PCDHGA2: variants seen among roughly 807,000 people sequenced by gnomAD.
PCDHGA2 encodes protocadherin gamma subfamily A, 2.
Under a neutral mutation model 59.2 loss-of-function variants are expected in PCDHGA2, and 40 were observed. That is an observed-to-expected ratio of 0.68 (90% CI 0.52 to 0.88). The LOEUF (loss-of-function observed/expected upper bound fraction) is 0.88. PCDHGA2 is among the 40% of genes least tolerant of loss of function. PCDHGA2 has a pLI of 0.00. For missense variants in PCDHGA2, 1,226 were observed against 1,204.0 expected, an observed-to-expected ratio of 1.02 and a Z score of -0.27; for synonymous variants, 560 against 526.0, an observed-to-expected ratio of 1.06 and a Z score of -0.89.
Position 141,487,845 on chromosome 5 carries a change from A to C in PCDHGA2, c.2425-6962A>C, listed in dbSNP as rs2099667978. ...GGGTCATGCCTATATCTGAGTAAGA[A>C]ATGAAAGTAATTGGTGATCAAGAGC... On this transcript the variant is annotated intron_variant, in intron 1 of 3. Coordinates refer to ENST00000394576, the MANE Select transcript of PCDHGA2 (RefSeq NM_018915.4). The surrounding 1 kb of genome is among the most constrained non-coding windows in gnomAD (Gnocchi z 5.0). 2.9e-6 allele frequency: 3 copies of C among 1,027,382 alleles called. No homozygotes were observed. Among genetic ancestry groups the C allele is most frequent in the Non-Finnish European group, 4.2e-6 (3 of 716,452 alleles). The allele number at this position is 1,027,382 out of a possible 1,614,324, so 63.6% of individuals were successfully genotyped here.
chr5:141,477,901 C>T lies in PCDHGA2; in HGVS notation c.2425-16906C>T, dbSNP rs2099423750. ...GCCACCTAGTGTCACGGGTGGTAGG[C>T]TGGGACGCGGATGCAGGGCACAATG... On this transcript the variant is annotated intron_variant, in intron 1 of 3. Transcript: ENST00000394576. The surrounding 1 kb of genome is among the most constrained non-coding windows in gnomAD (Gnocchi z 4.9). The T allele has an allele frequency of 1.9e-6, 3 of 1,614,188 alleles. No homozygotes were observed. The highest frequency in any genetic ancestry group is 2.5e-6 in the Non-Finnish European group (3 of 1,180,042).
intron 1 of PCDHGA2, chr5:141,377,740 A>G (rs1017037020): frequency 9.9e-5 from 15 of 152,232 alleles, no homozygotes; most frequent in African/African-American, 3.6e-4. Context: ...ATCATTGGTA[A>G]CTGCAGCAGG....
intron 2 of PCDHGA2, among the ~76,000 whole-genome samples, chr5:141,498,604 C>G (rs1445417630): frequency 6.6e-6 from 1 of 152,122 alleles, no homozygotes; most frequent in East Asian, 1.9e-4. Flanking sequence ...GGTTCAAGTT[C>G]AAGTCAGCAC....
chr5:141,350,729 G>A (rs763719542), intron 1 of PCDHGA2: 103 of 1,613,848 alleles, frequency 6.4e-5, no homozygotes, highest in Middle Eastern at 1.6e-4. Context: ...TGCTCAAGAT[G>A]CAGATGTGGA....
Position 141,393,407 on chromosome 5 carries a change from C to T in PCDHGA2, c.2424+52012C>T, listed in dbSNP as rs766086453. ...TAAACCCAGAGCTGGTGCTGGAGCG[C>T]GCCCTGGACAGGGAGGAAGAGGCTG... On this transcript the variant is annotated intron_variant, in intron 1 of 3. Transcript: ENST00000394576. 3.1e-6 allele frequency: 5 copies of T among 1,614,056 alleles called. No individual in the cohort carries two copies. In the South Asian group the frequency reaches 5.5e-5, roughly 18 times the overall value.
At chr5:141,365,896 T>G (rs1764191904) in intron 1 of PCDHGA2, 1 of 1,614,094 alleles carries the variant, frequency 6.2e-7, no homozygotes. Context: ...CCTTCGACTA[T>G]GAGCAGTTGA....
intron 1 of PCDHGA2, among the ~76,000 whole-genome samples, chr5:141,401,290 C>T (rs1460193254): frequency 6.6e-6 from 1 of 151,710 alleles, no homozygotes; most frequent in Non-Finnish European, 1.5e-5. Flanking sequence ...TGCGGTGAGC[C>T]GAGATCACTC....
At chr5:141,383,436 C>T in intron 1 of PCDHGA2, 1 of 1,613,968 alleles carries the variant, frequency 6.2e-7, no homozygotes, top group Non-Finnish European at 8.5e-7. Flanking sequence ...GCCACTTCTC[C>T]CTGGCTGTGC....
chr5:141,456,020 C>T (rs2098840631), intron 1 of PCDHGA2, among the ~76,000 whole-genome samples: 1 of 151,834 alleles, frequency 6.6e-6, no homozygotes, highest in South Asian at 2.1e-4. Flanking sequence ...GCCTCAGCCT[C>T]CCGAGTAGCT....
In PCDHGA2 at chr5:141,338,826, A is replaced by G. The variant is rs967681412; in HGVS notation, c.-146A>G. The G allele has an allele frequency of 1.2e-5, 17 of 1,391,196 alleles. No individual in the cohort carries two copies. The highest frequency in any genetic ancestry group is 5.3e-4 in the Middle Eastern group (2 of 3,776). The allele number at this position is 1,391,196 out of a possible 1,614,324, so 86.2% of individuals were successfully genotyped here. A position where few individuals can be genotyped will look rare whatever the true frequency, so the allele number is the denominator to read the frequency against. On this transcript the variant is annotated 5_prime_UTR_variant, in exon 1 of 4. Transcript: ENST00000394576. ...TTGGCCCTAAAGCTTCAGGACACCA[A>G]AGAAATTCAGTCGAACAGCCCACCA...
intron 1 of PCDHGA2, chr5:141,418,445 T>C (rs2154547687): frequency 2.5e-6 from 4 of 1,614,038 alleles, no homozygotes; most frequent in East Asian, 2.2e-5. Context: ...AGAATTAGTA[T>C]TGCAGAAGAC....
At chr5:141,348,285 T>G (rs909214374) in intron 1 of PCDHGA2, among the ~76,000 whole-genome samples, 4 of 152,176 alleles carry the variant, frequency 2.6e-5, no homozygotes, top group African/African-American at 7.2e-5. Flanking sequence ...CAGAGTAAGG[T>G]GTATTCTCAC....
intron 1 of PCDHGA2, chr5:141,360,398 A>G (rs1171343282): frequency 2.5e-6 from 4 of 1,613,808 alleles, no homozygotes; most frequent in Non-Finnish European, 3.4e-6. Flanking sequence ...CTTGTGAGTG[A>G]CAGAATAGAC....
intron 1 of PCDHGA2, chr5:141,430,781 C>A: frequency 6.6e-7 from 1 of 1,510,922 alleles, no homozygotes; most frequent in Non-Finnish European, 8.8e-7. Context: ...GCGACTGCAC[C>A]GGGACTACAA....
chr5:141,490,132 A>G lies in PCDHGA2; in HGVS notation c.2425-4675A>G, dbSNP rs1245562757. The G allele has an allele frequency of 3.7e-6, 6 of 1,614,102 alleles. No homozygotes were observed. In the African/African-American group the frequency reaches 4.0e-5, roughly 11 times the overall value. ...GCGGAACCTCTTTGGCCTAGACCCTAGCAGTGGGGCAATCCATGTGTTGGG... is the reference window on the plus strand; with the variant it reads ...GCGGAACCTCTTTGGCCTAGACCCTGGCAGTGGGGCAATCCATGTGTTGGG... On this transcript the variant is annotated intron_variant, in intron 1 of 3. Coordinates refer to ENST00000394576, the MANE Select transcript of PCDHGA2 (RefSeq NM_018915.4). The surrounding 1 kb of genome is among the most constrained non-coding windows in gnomAD (Gnocchi z 5.4).
At chr5:141,433,607 G>T (rs1209706866) in intron 1 of PCDHGA2, among the ~76,000 whole-genome samples, 1 of 152,080 alleles carries the variant, frequency 6.6e-6, no homozygotes. Flanking sequence ...AGGCCGAGGC[G>T]GGTGGATCAC....
Position 141,423,412 on chromosome 5 carries a change from T to C in PCDHGA2, c.2425-71395T>C, listed in dbSNP as rs754410783. 4 of 1,614,166 alleles carry C rather than the reference T, an allele frequency of 2.5e-6. No individual in the cohort carries two copies. The Admixed American group carries it at 6.7e-5, about 27-fold the overall frequency. The stretch of plus-strand genomic sequence containing the variant: ...GCATAAGTCACGCCTGCTGCAGGCT[T>C]CTGAAGGCGGGTTGGCAGGTATGCC... On this transcript the variant is annotated intron_variant, in intron 1 of 3. Coordinates refer to ENST00000394576, the MANE Select transcript of PCDHGA2 (RefSeq NM_018915.4).
chr5:141,454,097 C>T (rs1021353610), intron 1 of PCDHGA2, among the ~76,000 whole-genome samples: 10 of 152,292 alleles, frequency 6.6e-5, no homozygotes, highest in Middle Eastern at 3.4e-3. Flanking sequence ...TTGAATTGAA[C>T]ATAAATGGAG....
intron 1 of PCDHGA2, among the ~76,000 whole-genome samples, chr5:141,472,508 C>T (rs140607073): frequency 0.01 from 1,548 of 151,922 alleles, 35 homozygotes; most frequent in African/African-American, 0.035. Flanking sequence ...CCACTGCACT[C>T]CAGCCTGGGT....
Sources: gnomAD v4.1 joint callset for allele counts (sites outside exome capture counted in the v4.1 genomes callset) on GRCh38, gnomAD v4.1.1 for gene constraint, Gnocchi (gnomAD v3.1) non-coding constraint, MANE v1.5 for transcripts, NCBI Gene and HGNC (gene_info 2026-07-23, HGNC 2026-07-21) for gene names.